PDE4D: variants seen among roughly 807,000 people sequenced by gnomAD.
PDE4D encodes the protein phosphodiesterase 4D.
In PDE4D, 24 loss-of-function variants were observed where a neutral mutation model predicts 87.4. The ratio of observed to expected loss-of-function variants is 0.27; its 90% CI spans 0.20 to 0.39. PDE4D has a LOEUF of 0.39. Among genes scored for constraint, PDE4D ranks in the 10% least tolerant of loss-of-function variants. The pLI is 1.00. For synonymous variants in PDE4D, 384 were observed against 383.2 expected (o/e 1.00, Z -0.02); for missense variants, 714 against 1,041.0 (o/e 0.69, Z 4.32).
chr5:59,782,684 A>G lies in PDE4D; in HGVS notation c.455+110484T>C, dbSNP rs149087741. On this transcript the variant is annotated intron_variant, in intron 1 of 14. Coordinates refer to ENST00000340635, the MANE Select transcript of PDE4D (RefSeq NM_001104631.2). ...TAATGGTCCTGTCCACCTTACTAGT[A>G]TACATTACATATGATACCCAGCAGC... Among the ~76,000 whole-genome samples, 24 of 152,318 alleles carry G rather than the reference A, an allele frequency of 1.6e-4. No homozygotes were observed. In the East Asian group the frequency reaches 4.6e-3, roughly 29 times the overall value.
intron 1 of PDE4D, among the ~76,000 whole-genome samples, chr5:59,532,485 C>T (rs113587202): frequency 6.6e-6 from 1 of 152,130 alleles, no homozygotes; most frequent in Non-Finnish European, 1.5e-5. Flanking sequence ...TTAAATAAAC[C>T]TTAGTCCTCA....
intron 6 of PDE4D, among the ~76,000 whole-genome samples, chr5:59,000,144 C>A (rs1750192685): frequency 6.6e-6 from 1 of 152,140 alleles, no homozygotes; most frequent in Admixed American, 6.5e-5. Context: ...TCTGAGGCCA[C>A]CCTGAGAAAA....
chr5:60,318,621 A>G (rs1361019627), intron 1 of PDE4D, among the ~76,000 whole-genome samples: 1 of 152,090 alleles, frequency 6.6e-6, no homozygotes, highest in Non-Finnish European at 1.5e-5. Flanking sequence ...AGTGGCTGGT[A>G]CTGGTTTTTC....
intron 1 of PDE4D, among the ~76,000 whole-genome samples, chr5:59,717,403 C>T (rs570612859): frequency 1.3e-5 from 2 of 152,302 alleles, no homozygotes; most frequent in South Asian, 4.1e-4. Context: ...CATACAACAA[C>T]TCACTGTAAC....
At chr5:60,206,226 G>A (rs1432367243) in intron 1 of PDE4D, among the ~76,000 whole-genome samples, 1 of 152,130 alleles carries the variant, frequency 6.6e-6, no homozygotes, top group Non-Finnish European at 1.5e-5. Context: ...CCTTTAATCT[G>A]ATGTTAAAAA....
intron 1 of PDE4D, among the ~76,000 whole-genome samples, chr5:59,416,122 A>ATAAT (rs1307642522): frequency 7.9e-5 from 12 of 152,220 alleles, no homozygotes; most frequent in African/African-American, 2.7e-4. Flanking sequence ...GTCCGGGTCA[A>ATAAT]CAATTTCACA....
Position 59,200,320 on chromosome 5 carries a change from T to C in PDE4D, c.648-6784A>G, listed in dbSNP as rs1198078467. Reference sequence around the variant, plus strand: ...ATATGTGTATGTACAGCTACACGTATACATACACGTGTATGTACAGCTACA... The same window carrying C: ...ATATGTGTATGTACAGCTACACGTACACATACACGTGTATGTACAGCTACA... On this transcript the variant is annotated intron_variant, in intron 2 of 14. Coordinates refer to ENST00000340635, the MANE Select transcript of PDE4D (RefSeq NM_001104631.2). Among the ~76,000 whole-genome samples, 49 of 128,202 alleles carry C rather than the reference T, an allele frequency of 3.8e-4. 2 individuals are homozygous for C. Among genetic ancestry groups the C allele is most frequent in the African/African-American group, 1.4e-3 (43 of 30,016 alleles). The allele number at this position is 128,202 out of a possible 152,430, so 84.1% of individuals were successfully genotyped here.
intron 1 of PDE4D, among the ~76,000 whole-genome samples, chr5:59,319,158 ATATGTGTGTGTG>A (rs1185219219): frequency 1.6e-5 from 2 of 121,578 alleles, no homozygotes; most frequent in Non-Finnish European, 3.3e-5. Flanking sequence ...GAGTACATAT[ATATGTGTGTGTG>A]TGTGTGTGTG....
intron 2 of PDE4D, among the ~76,000 whole-genome samples, chr5:60,066,005 A>C (rs369560621): frequency 6.6e-6 from 1 of 152,196 alleles, no homozygotes; most frequent in Non-Finnish European, 1.5e-5. Flanking sequence ...CTGAGGAATC[A>C]CCACACTGAC....
At chr5:59,142,460 AC>A in intron 5 of PDE4D, among the ~76,000 whole-genome samples, 1 of 152,244 alleles carries the variant, frequency 6.6e-6, no homozygotes, top group East Asian at 1.9e-4. Flanking sequence ...TTAGATTGTA[AC>A]CTTCAAATTC....
chr5:60,227,804 G>T (rs1745305464), intron 1 of PDE4D, among the ~76,000 whole-genome samples: 1 of 152,050 alleles, frequency 6.6e-6, no homozygotes, highest in South Asian at 2.1e-4. Flanking sequence ...ATCTTCAGCT[G>T]ATCTCTTAAA....
At chr5:59,689,781 C>G (rs371555271) in intron 1 of PDE4D, among the ~76,000 whole-genome samples, 45 of 152,090 alleles carry the variant, frequency 3.0e-4, no homozygotes, top group African/African-American at 7.7e-4. Flanking sequence ...AAGTCAAATT[C>G]TCCCTGTTTG....
chr5:59,888,478 T>C lies in PDE4D; in HGVS notation c.455+4690A>G, dbSNP rs56349525. 8.8e-3 allele frequency among the ~76,000 whole-genome samples: 1,334 copies of C among 152,318 alleles called. 22 individuals are homozygous for C. Among genetic ancestry groups the C allele is most frequent in the African/African-American group, 0.03 (1,266 of 41,548 alleles). On this transcript the variant is annotated intron_variant, in intron 1 of 14. Transcript: ENST00000340635. ...CAAGAATAAAAGGTTCAAACTAATT[T>C]TGAAAAAATTAAAAAGTCTAATACT... is the stretch of plus-strand genomic sequence containing the variant.
chr5:59,977,965 G>C (rs887865669), intron 3 of PDE4D, among the ~76,000 whole-genome samples: 1 of 152,090 alleles, frequency 6.6e-6, no homozygotes, highest in African/African-American at 2.4e-5. Context: ...TTTACAGCAT[G>C]GTTTACTAAA....
At chr5:59,079,921 G>A (rs1164130847) in intron 5 of PDE4D, among the ~76,000 whole-genome samples, 1 of 150,626 alleles carries the variant, frequency 6.6e-6, no homozygotes, top group Non-Finnish European at 1.5e-5. Context: ...GCAAGGAAAG[G>A]GGCAGGGGCA....
chr5:59,224,293 T>TACACACACACACACACACACACACAC (rs35273659), intron 1 of PDE4D, among the ~76,000 whole-genome samples: 1 of 135,410 alleles, frequency 7.4e-6, no homozygotes, highest in African/African-American at 2.6e-5. Flanking sequence ...CACACACACA[T>TACACACACACACACACACACACACAC]ACACACACAC....
intron 1 of PDE4D, among the ~76,000 whole-genome samples, chr5:59,494,948 G>A (rs1051041432): frequency 1.3e-5 from 2 of 152,094 alleles, no homozygotes; most frequent in Non-Finnish European, 2.9e-5. Flanking sequence ...TTTAACACAG[G>A]CTCCTGTATT....
At chr5:59,332,278 T>C (rs1480080844) in intron 1 of PDE4D, among the ~76,000 whole-genome samples, 1 of 152,226 alleles carries the variant, frequency 6.6e-6, no homozygotes, top group Non-Finnish European at 1.5e-5. Flanking sequence ...ATTTTTACTT[T>C]AAACAATTAC....
At chr5:59,187,607 T>C (rs1409595619) in intron 3 of PDE4D, among the ~76,000 whole-genome samples, 1 of 152,212 alleles carries the variant, frequency 6.6e-6, no homozygotes, top group African/African-American at 2.4e-5. Flanking sequence ...AAGGAATCTG[T>C]CTTCCGGTCT....
Sources: allele counts gnomAD v4.1 joint callset (sites outside exome capture counted in the v4.1 genomes callset), GRCh38; gene constraint gnomAD v4.1.1; transcripts MANE v1.5; gene names NCBI Gene and HGNC (gene_info 2026-07-23, HGNC 2026-07-21).